Variants in PPP1R9A observed in about 807,000 individuals in gnomAD.
PPP1R9A encodes the protein protein phosphatase 1 regulatory subunit 9A.
In PPP1R9A, 59 loss-of-function variants were observed where a neutral mutation model predicts 141.9. The observed-to-expected ratio is 0.42, with a 90% CI of 0.34 to 0.52. The LOEUF (loss-of-function observed/expected upper bound fraction) is 0.52, where lower values mean the gene tolerates loss of function less well. Ranked by LOEUF, PPP1R9A falls within the 20% of genes least tolerant of loss-of-function variation. The pLI, the probability that PPP1R9A is intolerant of heterozygous loss-of-function variation, is 0.10. For missense variants in PPP1R9A, 1,444 were observed against 1,611.9 expected (o/e 0.90, Z 1.78); for synonymous variants, 500 against 569.7 (o/e 0.88, Z 1.74).
chr7:95,290,274 A>G lies in PPP1R9A; in HGVS notation c.4096A>G (p.Thr1366Ala), dbSNP rs766155268. Residue 1366 changes from threonine to alanine, a missense_variant, in exon 20 of 20, where the codon ACT (threonine) becomes GCT (alanine). By Grantham distance (58) the Thr-to-Ala change is moderately conservative (BLOSUM62 0). This residue lies in a region of PPP1R9A where 459 missense variants were observed against 513.8 expected (regional missense o/e 0.89). Transcript: ENST00000433360. Reference sequence around the variant, plus strand: ...CAAAAAGACAGAAAAGATGACGTCAACTACAGCCGAGGGTGCTGGTGAGCA... The same window carrying G: ...CAAAAAGACAGAAAAGATGACGTCAGCTACAGCCGAGGGTGCTGGTGAGCA... ...KSKKTEKMTS[T>A]TAEGAGEQ The G allele has an allele frequency of 1.9e-6, 3 of 1,611,946 alleles. No homozygotes were observed. Among genetic ancestry groups the G allele is most frequent in the Admixed American group, 3.3e-5 (2 of 59,742 alleles).
chr7:95,117,862 A>G (rs2152471151), intron 3 of PPP1R9A, among the ~76,000 whole-genome samples: 1 of 152,312 alleles, frequency 6.6e-6, no homozygotes, highest in Non-Finnish European at 1.5e-5. Context: ...GAGATTTCAT[A>G]CAGGAGAGAA....
At chr7:95,174,905 T>C (rs1418044037) in intron 5 of PPP1R9A, 4 of 152,142 alleles carry the variant, frequency 2.6e-5, no homozygotes, top group African/African-American at 9.7e-5. Flanking sequence ...TGTAACATAT[T>C]ACTATAAAAT....
chr7:95,012,256 C>G (rs1277496966), intron 2 of PPP1R9A, among the ~76,000 whole-genome samples: 1 of 151,870 alleles, frequency 6.6e-6, no homozygotes, highest in Non-Finnish European at 1.5e-5. Context: ...GAGGTCATGG[C>G]GGAAGGTAAA....
intron 3 of PPP1R9A, among the ~76,000 whole-genome samples, chr7:95,116,279 G>A (rs1274900974): frequency 6.6e-6 from 1 of 151,788 alleles, no homozygotes; most frequent in Non-Finnish European, 1.5e-5. Flanking sequence ...ATAAATAACA[G>A]CAAATAAAAG....
At chr7:94,969,995 C>T (rs992408431) in intron 2 of PPP1R9A, among the ~76,000 whole-genome samples, 1 of 152,152 alleles carries the variant, frequency 6.6e-6, no homozygotes, top group Admixed American at 6.5e-5. Context: ...GACACCCCTG[C>T]CCCCACCAAG....
At chr7:94,954,844 T>C (rs1584378557) in intron 2 of PPP1R9A, among the ~76,000 whole-genome samples, 1 of 123,508 alleles carries the variant, frequency 8.1e-6, no homozygotes, top group East Asian at 2.7e-4. Context: ...CGTGTGTGTG[T>C]GTGTGTGTGT....
chr7:94,911,911 T>C (rs528340694), intron 2 of PPP1R9A, among the ~76,000 whole-genome samples: 110 of 152,316 alleles, frequency 7.2e-4, no homozygotes, highest in Non-Finnish European at 8.8e-5. Context: ...TGAAGTATAA[T>C]GTACAATGGG....
chr7:94,976,893 A>G (rs534371916), intron 2 of PPP1R9A, among the ~76,000 whole-genome samples: 11 of 152,190 alleles, frequency 7.2e-5, no homozygotes, highest in South Asian at 2.1e-4. Flanking sequence ...TCCCTTCTTT[A>G]TGTAGGTTAT....
chr7:95,117,276 C>T (rs1015532726), intron 3 of PPP1R9A, among the ~76,000 whole-genome samples: 1 of 151,752 alleles, frequency 6.6e-6, no homozygotes, highest in Non-Finnish European at 1.5e-5. Context: ...GCTGGGTTCT[C>T]GATGGGTCAG....
intron 2 of PPP1R9A, among the ~76,000 whole-genome samples, chr7:95,089,284 C>T (rs1013858228): frequency 6.6e-6 from 1 of 151,994 alleles, no homozygotes; most frequent in African/African-American, 2.4e-5. Context: ...TGAGGTGTAA[C>T]TGCAGCATCC....
At chr7:95,250,737 C>G (rs1374869938) in intron 10 of PPP1R9A, among the ~76,000 whole-genome samples, 4 of 152,142 alleles carry the variant, frequency 2.6e-5, no homozygotes, top group Non-Finnish European at 5.9e-5. Flanking sequence ...GGCCCCCTGC[C>G]CTGCCACTCT....
rs574618701 is a variant in PPP1R9A, at chr7:95,069,005, A to T, written c.1396-42254A>T. On this transcript the variant is annotated intron_variant, in intron 2 of 19. Transcript: ENST00000433360. ...GGCATAGTATTTGCATATAACCCACACACGTCCTCCTGTCTACTTTAAACC... is the reference window on the plus strand; with the variant it reads ...GGCATAGTATTTGCATATAACCCACTCACGTCCTCCTGTCTACTTTAAACC... 3.3e-5 allele frequency among the ~76,000 whole-genome samples: 5 copies of T among 152,294 alleles called. No individual in the cohort carries two copies. In the East Asian group the frequency reaches 9.7e-4, roughly 29 times the overall value.
chr7:94,949,119 C>T (rs1033873627), intron 2 of PPP1R9A, among the ~76,000 whole-genome samples: 2 of 152,118 alleles, frequency 1.3e-5, no homozygotes, highest in Admixed American at 6.6e-5. Context: ...TATTACAGAG[C>T]TTTGCCCATT....
intron 2 of PPP1R9A, among the ~76,000 whole-genome samples, chr7:95,056,010 T>G (rs554588852): frequency 6.6e-6 from 1 of 152,302 alleles, no homozygotes; most frequent in South Asian, 2.1e-4. Context: ...ATTTAACTGT[T>G]GTATATAAAT....
At chr7:95,037,586 G>A (rs1486297852) in intron 2 of PPP1R9A, among the ~76,000 whole-genome samples, 1 of 152,278 alleles carries the variant, frequency 6.6e-6, no homozygotes, top group East Asian at 1.9e-4. Context: ...TTGCACTATT[G>A]TAATATCCTT....
rs757322579 is a variant in PPP1R9A, at chr7:95,111,255, A to G, written c.1396-4A>G. On this transcript the variant is annotated splice_region_variant and splice_polypyrimidine_tract_variant and intron_variant, in intron 2 of 19. Transcript: ENST00000433360. ...ATTATCATCTTGTTGGCCTCTTACT[A>G]CAGGTTTTCAACACATACTCCAATG... The G allele has an allele frequency of 6.3e-6, 10 of 1,598,108 alleles. No individual in the cohort carries two copies. The highest frequency in any genetic ancestry group is 7.7e-6 in the Non-Finnish European group (9 of 1,172,668).
chr7:94,952,558 T>G (rs1424552310), intron 2 of PPP1R9A, among the ~76,000 whole-genome samples: 2 of 152,156 alleles, frequency 1.3e-5, no homozygotes, highest in East Asian at 3.9e-4. Context: ...TTGAAGTAAT[T>G]TACACACCCA....
chr7:95,024,212 T>G (rs1304707868), intron 2 of PPP1R9A, among the ~76,000 whole-genome samples: 1 of 152,148 alleles, frequency 6.6e-6, no homozygotes, highest in Non-Finnish European at 1.5e-5. Flanking sequence ...TGTGGTCAAT[T>G]TTAGAGTAAG....
chr7:95,268,776 G>C, intron 13 of PPP1R9A, 69 bp downstream of exon 13: 1 of 1,542,566 alleles, frequency 6.5e-7, no homozygotes, highest in South Asian at 1.3e-5. Context: ...GCTTATTGAA[G>C]ATTATGATTT....
Sources: gnomAD v4.1 joint callset for allele counts (sites outside exome capture counted in the v4.1 genomes callset) on GRCh38, gnomAD v4.1.1 for gene constraint, gnomAD v4.1.1 regional missense constraint, MANE v1.5 for transcripts, NCBI Gene and HGNC (gene_info 2026-07-23, HGNC 2026-07-21) for gene names.